The following FAT1 variants were observed in gnomAD, a reference collection of about 807,000 sequenced individuals.
The protein encoded by FAT1 is protocadherin Fat 1.
FAT1 carries 171 observed loss-of-function variants against 329.8 expected under a neutral mutation model. That is an observed-to-expected ratio of 0.52 (90% CI 0.46 to 0.59). FAT1 has a LOEUF of 0.59. FAT1 is among the 20% of genes least tolerant of loss of function. The pLI is 0.00. For missense variants in FAT1, 5,672 were observed against 5,774.4 expected (o/e 0.98, Z 0.57); for synonymous variants, 2,233 against 2,228.6 (o/e 1.00, Z -0.06).
In FAT1 at chr4:186,620,641, T is replaced by C. The variant is rs1739995293; in HGVS notation, c.5945A>G (p.Asp1982Gly). ...CTCTTTCACTACCGCAGAGTAGACA[T>C]CCTGGGTAAACTTTAGGTGACTTTC... ...SKESHLKFTQ[D>G]VYSAVVKENS... is the part of the protein sequence containing the mutation. The change falls in exon 10 of 27, where the codon GAT becomes GGT. Residue 1982 changes from aspartate (D) to glycine (G), a missense_variant. Around this residue, in one of 2 missense-constraint regions of FAT1, gnomAD observed 3,966 missense variants for 3,915.2 expected, o/e 1.01. Coordinates refer to ENST00000441802, the MANE Select transcript of FAT1 (RefSeq NM_005245.4). 2 of 1,614,004 alleles carry C rather than the reference T, an allele frequency of 1.2e-6. No homozygotes were observed. Among genetic ancestry groups the C allele is most frequent in the Non-Finnish European group, 1.7e-6 (2 of 1,179,874 alleles).
intron 2 of FAT1, among the ~76,000 whole-genome samples, chr4:186,677,432 G>T (rs981585859): frequency 2.6e-5 from 4 of 151,192 alleles, no homozygotes; most frequent in Non-Finnish European, 5.9e-5. Flanking sequence ...CTTCGTTAAG[G>T]CAAAACATCA....
intron 26 of FAT1, among the ~76,000 whole-genome samples, chr4:186,593,403 T>C (rs1738336695): frequency 6.6e-6 from 1 of 152,178 alleles, no homozygotes; most frequent in Admixed American, 6.5e-5. Context: ...TGTACGCATG[T>C]GGTAGGCAGA....
chr4:186,604,599 A>C, intron 17 of FAT1, 25 bp from the exon 18 acceptor site: 1 of 1,556,788 alleles, frequency 6.4e-7, no homozygotes, highest in Non-Finnish European at 8.7e-7. Flanking sequence ...AAACAAAATT[A>C]AACAAAAATC....
intron 6 of FAT1, 23 bp downstream of exon 6, chr4:186,636,002 C>A (rs775596079): frequency 1.9e-6 from 3 of 1,611,046 alleles, no homozygotes; most frequent in Non-Finnish European, 2.5e-6. Flanking sequence ...ATACGGACAA[C>A]GAAAATGAGG....
At chr4:186,616,301 C>T (rs1579324251) in intron 11 of FAT1, among the ~76,000 whole-genome samples, 3 of 152,232 alleles carry the variant, frequency 2.0e-5, no homozygotes, top group East Asian at 3.9e-4. Context: ...CACTGTAATC[C>T]AGTTCACCCT....
rs1301388487 is a variant in FAT1 at position 186,663,576 on chromosome 4, C to T, written c.3303G>A (p.Ser1101=). 16 of 1,611,078 alleles carry T rather than the reference C, an allele frequency of 9.9e-6. No individual in the cohort carries two copies. The highest frequency in any genetic ancestry group is 4.0e-5 in the African/African-American group (3 of 74,862). ...AGACTGTTAGCCAATAATGGGAGGT[C>T]GATTCACGGTCCAGTCGATCTGACG... ...IETSDRLDRE[S]TSHYWLTVFA... The change falls in exon 3 of 27, where the codon TCG becomes TCA. Residue 1101 remains serine (S), a synonymous_variant. Transcript: ENST00000441802.
Position 186,611,719 on chromosome 4 carries a change from T to C in FAT1, c.9520A>G (p.Ile3174Val), listed in dbSNP as rs1250744283. The C allele has an allele frequency of 2.5e-6, 4 of 1,592,722 alleles. No homozygotes were observed. The highest frequency in any genetic ancestry group is 2.3e-5 in the East Asian group (1 of 44,242). Reference protein sequence around the residue: ...LIDSADGQFSINELSGIIQLE... With the variant: ...LIDSADGQFSVNELSGIIQLE... ...TGAATAATTCCAGATAATTCGTTAA[T>C]GGAGAACTGCCCATCAGCAGAGTCA... The change falls in exon 14 of 27, where the codon ATT (isoleucine) becomes GTT (valine). Residue 3174 changes from isoleucine (I) to valine (V), a missense_variant. Around this residue, in one of 2 missense-constraint regions of FAT1, gnomAD observed 1,706 missense variants for 1,859.1 expected, o/e 0.92. Coordinates refer to ENST00000441802, the MANE Select transcript of FAT1 (RefSeq NM_005245.4).
chr4:186,630,921 T>C (rs1210150673), intron 7 of FAT1, among the ~76,000 whole-genome samples: 1 of 152,156 alleles, frequency 6.6e-6, no homozygotes, highest in African/African-American at 2.4e-5. Context: ...TTTGGTAAGT[T>C]ACCTGGAGAT....
At position 186,709,156 on chromosome 4, in the gene FAT1, A is replaced by G. The variant is rs552237660; in HGVS notation, c.672T>C (p.Ala224=). 80 of 1,614,014 alleles carry G rather than the reference A, an allele frequency of 5.0e-5. No individual in the cohort carries two copies. Among genetic ancestry groups the G allele is most frequent in the Non-Finnish European group, 6.3e-5 (74 of 1,179,896 alleles). The change falls in exon 2 of 27, where the codon GCT becomes GCC. Residue 224 remains alanine (A), a synonymous_variant. Transcript: ENST00000441802. ...CATACAACTTCATGCCACGGTCCGC[A>G]GCGAGGATTTCCATCTCATAGAGCT... ...ETKLYEMEIL[A]ADRGMKLYGS...
chr4:186,641,142 T>C (rs1333712612), intron 3 of FAT1, among the ~76,000 whole-genome samples: 1 of 152,222 alleles, frequency 6.6e-6, no homozygotes, highest in Non-Finnish European at 1.5e-5. Flanking sequence ...ATTCAAAGGT[T>C]TTTTTCCTTA....
chr4:186,714,470 T>G (rs1055867467), intron 1 of FAT1, among the ~76,000 whole-genome samples: 1 of 151,438 alleles, frequency 6.6e-6, no homozygotes, highest in African/African-American at 2.4e-5. Context: ...AGATTGTGAG[T>G]GGGCAGCAGA....
At chr4:186,709,939 C>G (rs950728909) in intron 1 of FAT1, 94 bp from the exon 2 acceptor site, 2 of 1,167,566 alleles carry the variant, frequency 1.7e-6, no homozygotes, top group Non-Finnish European at 2.3e-6. Context: ...AAAATATTTT[C>G]CATACACATG....
chr4:186,708,724 T>C lies in FAT1; in HGVS notation c.1104A>G (p.Glu368=), dbSNP rs2126698571. The change falls in exon 2 of 27, where the codon GAA becomes GAG. Residue 368 remains glutamate, a synonymous_variant. Coordinates refer to ENST00000441802, the MANE Select transcript of FAT1 (RefSeq NM_005245.4). ...TTATTTCTGCTCTGTAAACATCCTT[T>C]TCAAACTTGACTGGCCCGGCTTTGA... ...PQFKAGPVKF[E]KDVYRAEISE... 6.2e-7 allele frequency: 1 copy of C among 1,613,982 alleles called. No individual in the cohort carries two copies. The highest frequency in any genetic ancestry group is 8.5e-7 in the Non-Finnish European group (1 of 1,179,888).
Position 186,603,933 on chromosome 4 carries a change from A to G in FAT1, c.10593T>C (p.Ile3531=), listed in dbSNP as rs2126435557. 1 of 1,613,876 alleles carries G rather than the reference A, an allele frequency of 6.2e-7. No individual in the cohort carries two copies. The highest frequency in any genetic ancestry group is 1.1e-5 in the South Asian group (1 of 91,082). ...TGCTCTCCTCAATTACCCTAATGTC[A>G]ATGTATGTCAAAGATGACAACTGAG... The part of the protein sequence containing the change: ...GKPQLSSLTY[I]DIRVIEESIY... Residue 3531 remains isoleucine, a synonymous_variant, in exon 19 of 27, where the codon ATT becomes ATC. Transcript: ENST00000441802.
chr4:186,608,133 T>A (rs1739232611), intron 16 of FAT1, among the ~76,000 whole-genome samples: 1 of 152,214 alleles, frequency 6.6e-6, no homozygotes, highest in Admixed American at 6.5e-5. Context: ...CTGACACCAA[T>A]GCTTTCTACA....
intron 2 of FAT1, among the ~76,000 whole-genome samples, chr4:186,666,003 A>AT: frequency 8.3e-6 from 1 of 120,148 alleles, no homozygotes; most frequent in Non-Finnish European, 1.6e-5. Flanking sequence ...ACATGGACAC[A>AT]GGGTGGGGAA....
chr4:186,718,768 G>A (rs182683632), intron 1 of FAT1, among the ~76,000 whole-genome samples: 217 of 151,946 alleles, frequency 1.4e-3, no homozygotes, highest in African/African-American at 5.0e-3. Flanking sequence ...GGCAAAGATC[G>A]CAAGAAAAGG....
At chr4:186,683,836 T>C (rs1182656281) in intron 2 of FAT1, among the ~76,000 whole-genome samples, 1 of 152,140 alleles carries the variant, frequency 6.6e-6, no homozygotes, top group Non-Finnish European at 1.5e-5. Flanking sequence ...GAGATCCCTA[T>C]GAAAAATGTA....
chr4:186,603,099 A>C, intron 19 of FAT1, 65 bp from the exon 20 acceptor site: 1 of 1,610,576 alleles, frequency 6.2e-7, no homozygotes, highest in Non-Finnish European at 8.5e-7. Flanking sequence ...ATCACCTTTC[A>C]TGTATAGCCA....
Sources: allele counts gnomAD v4.1 joint callset (sites outside exome capture counted in the v4.1 genomes callset), GRCh38; gene constraint gnomAD v4.1.1; regional missense constraint gnomAD v4.1.1; transcripts MANE v1.5; gene names NCBI Gene and HGNC (gene_info 2026-07-23, HGNC 2026-07-21).